TLCD4: variants seen among roughly 807,000 people sequenced by gnomAD.
TLCD4 encodes the protein TLC domain containing 4, also known as TLC domain-containing protein 4.
A neutral mutation model predicts 24.2 loss-of-function variants in TLCD4; 7 were observed. The observed-to-expected ratio is 0.29, with a 90% confidence interval of 0.16 to 0.54. The LOEUF (loss-of-function observed/expected upper bound fraction) is 0.54. Among genes scored for constraint, TLCD4 ranks in the 20% least tolerant of loss-of-function variants. The pLI, the probability that TLCD4 is intolerant of heterozygous loss-of-function variation, is 0.95. For missense variants in TLCD4, 259 were observed against 313.9 expected, an observed-to-expected ratio of 0.82 and a Z score of 1.32; for synonymous variants, 103 against 106.4, an observed-to-expected ratio of 0.97 and a Z score of 0.20.
the TLCD4 span, among the ~76,000 whole-genome samples, chr1:95,104,189 G>A: frequency 6.6e-6 from 1 of 152,274 alleles, no homozygotes; most frequent in African/African-American, 2.4e-5. Context: ...CTCTCCCTCA[G>A]CCACAGAACT....
chr1:95,096,393 T>TC, the TLCD4 span, among the ~76,000 whole-genome samples: 1 of 152,198 alleles, frequency 6.6e-6, no homozygotes, highest in Admixed American at 6.5e-5. Context: ...CTATTTACTG[T>TC]ATGATTCTTT....
intron 6 of TLCD4, among the ~76,000 whole-genome samples, chr1:95,188,327 G>T (rs2101023243): frequency 6.8e-6 from 1 of 147,680 alleles, no homozygotes; most frequent in South Asian, 2.1e-4. Flanking sequence ...GGCGGAGCTT[G>T]CAGTGAGCCA....
upstream of TLCD4, among the ~76,000 whole-genome samples, chr1:95,116,349 G>T (rs1676429891): frequency 6.6e-6 from 1 of 152,088 alleles, no homozygotes; most frequent in Non-Finnish European, 1.5e-5. Flanking sequence ...AATAAACATG[G>T]ACAGCTTATA....
chr1:95,124,349 A>C (rs1173255940), intron 1 of TLCD4, among the ~76,000 whole-genome samples: 1 of 152,220 alleles, frequency 6.6e-6, no homozygotes, highest in Non-Finnish European at 1.5e-5. Flanking sequence ...CAGGGTGTCC[A>C]GAAGAGAAAC....
intron 6 of TLCD4, 47 bp from the exon 7 acceptor site, chr1:95,191,503 C>T: frequency 6.5e-7 from 1 of 1,548,820 alleles, no homozygotes; most frequent in Non-Finnish European, 8.7e-7. Flanking sequence ...ATGGTTAATC[C>T]TCAGAGATGC....
At chr1:95,150,932 A>C in intron 4 of TLCD4, among the ~76,000 whole-genome samples, 1 of 152,264 alleles carries the variant, frequency 6.6e-6, no homozygotes, top group South Asian at 2.1e-4. Flanking sequence ...CTCTGGAAAC[A>C]AGTTATTCAT....
At chr1:95,148,400 C>T (rs1677403856) in intron 2 of TLCD4, among the ~76,000 whole-genome samples, 1 of 152,208 alleles carries the variant, frequency 6.6e-6, no homozygotes, top group South Asian at 2.1e-4. Context: ...AGTCTGTCAG[C>T]TGCATCATCA....
chr1:95,097,037 A>T, the TLCD4 span, among the ~76,000 whole-genome samples: 508 of 152,150 alleles, frequency 3.3e-3, 2 homozygotes, highest in African/African-American at 0.012. Flanking sequence ...TCTTGTCCCC[A>T]ACTCCTTCCA....
chr1:95,125,259 T>C (rs558081427), intron 1 of TLCD4, among the ~76,000 whole-genome samples: 1 of 152,322 alleles, frequency 6.6e-6, no homozygotes, highest in South Asian at 2.1e-4. Flanking sequence ...TACCTGAAGT[T>C]TGTGATGTGA....
intron 1 of TLCD4, among the ~76,000 whole-genome samples, chr1:95,136,108 T>A (rs543967404): frequency 5.2e-4 from 79 of 152,288 alleles, no homozygotes; most frequent in African/African-American, 1.9e-3. Context: ...CTTAGCTCTT[T>A]ATGACATGAT....
At chr1:95,139,147 C>G (rs1337343366) in intron 1 of TLCD4, among the ~76,000 whole-genome samples, 2 of 145,054 alleles carry the variant, frequency 1.4e-5, no homozygotes, top group Non-Finnish European at 3.0e-5. Context: ...TGCACTCCAG[C>G]CTGGATGACA....
chr1:95,184,979 A>T (rs1248076321), intron 6 of TLCD4, among the ~76,000 whole-genome samples: 1 of 152,086 alleles, frequency 6.6e-6, no homozygotes, highest in Non-Finnish European at 1.5e-5. Context: ...AAATTGGCAG[A>T]AGCTAACACT....
intron 5 of TLCD4, among the ~76,000 whole-genome samples, chr1:95,155,614 A>G (rs1677609751): frequency 6.6e-6 from 1 of 152,118 alleles, no homozygotes; most frequent in Non-Finnish European, 1.5e-5. Context: ...TGATGGACGT[A>G]TGTGTCACAT....
the TLCD4 span, among the ~76,000 whole-genome samples, chr1:95,094,302 A>ATT: frequency 6.2e-5 from 9 of 145,072 alleles, no homozygotes; most frequent in African/African-American, 2.0e-4. Context: ...GGCTAATTGC[A>ATT]TTTTTTTTTT....
At chr1:95,143,698 A>G (rs572543956) in intron 1 of TLCD4, among the ~76,000 whole-genome samples, 193 bp from the exon 2 acceptor site, 2 of 152,188 alleles carry the variant, frequency 1.3e-5, no homozygotes, top group South Asian at 4.1e-4. Flanking sequence ...TAAAACAGAC[A>G]TAAGATACAT....
At chr1:95,180,367 GA>G (rs1426925065) in intron 6 of TLCD4, among the ~76,000 whole-genome samples, 2 of 152,124 alleles carry the variant, frequency 1.3e-5, no homozygotes, top group Non-Finnish European at 2.9e-5. Flanking sequence ...TTCCTGTTAA[GA>G]AAATGAGAAC....
the TLCD4 span, among the ~76,000 whole-genome samples, chr1:95,099,188 G>C: frequency 1.3e-5 from 2 of 152,078 alleles, no homozygotes; most frequent in Non-Finnish European, 2.9e-5. Flanking sequence ...AGCACTTTGG[G>C]AGGGTGAGGC....
chr1:95,150,173 A>G (rs1184515327), intron 3 of TLCD4, 35 bp from the exon 4 acceptor site: 1 of 1,593,502 alleles, frequency 6.3e-7, no homozygotes, highest in Admixed American at 1.7e-5. Context: ...TCTACAATCT[A>G]TATACTTTAA....
the TLCD4 span, among the ~76,000 whole-genome samples, chr1:95,106,092 A>T: frequency 6.6e-6 from 1 of 152,094 alleles, no homozygotes; most frequent in African/African-American, 2.4e-5. Context: ...ATGGAGAGAT[A>T]ATCACTGTAG....
Sources: gnomAD v4.1 joint callset for allele counts (sites outside exome capture counted in the v4.1 genomes callset) on GRCh38, gnomAD v4.1.1 for gene constraint, MANE v1.5 for transcripts, NCBI Gene and HGNC (gene_info 2026-07-23, HGNC 2026-07-21) for gene names.